The following ZPBP variants were observed in gnomAD, a reference collection of about 807,000 sequenced individuals.
ZPBP encodes zona pellucida binding protein.
ZPBP carries 26 observed loss-of-function variants against 44.8 expected under a neutral mutation model. The observed-to-expected ratio is 0.58, with a 90% CI of 0.43 to 0.81. The LOEUF (loss-of-function observed/expected upper bound fraction) is 0.81, where lower values mean the gene tolerates loss of function less well. Among genes scored for constraint, ZPBP ranks in the 30% least tolerant of loss-of-function variants. The probability of loss-of-function intolerance (pLI) is 0.00; values close to 1 mark genes in which losing one functional copy is unlikely to be tolerated. For synonymous variants in ZPBP, 174 were observed against 153.2 expected (o/e 1.14, Z -1.00); for missense variants, 409 against 434.0 (o/e 0.94, Z 0.51).
At chr7:49,841,804 CA>C in the ZPBP span, among the ~76,000 whole-genome samples, 1 of 152,008 alleles carries the variant, frequency 6.6e-6, no homozygotes, top group African/African-American at 2.4e-5. Flanking sequence ...AAATCATGAC[CA>C]AAGCAATTGT....
At chr7:49,859,783 CGT>C (rs1414030608) in intron 2 of ZPBP, among the ~76,000 whole-genome samples, 9 of 100,482 alleles carry the variant, frequency 9.0e-5, no homozygotes, top group African/African-American at 3.5e-4. Flanking sequence ...TTACAGTGCG[CGT>C]GCGTGCACAC....
At chr7:50,026,374 T>C (rs538879920) in intron 5 of ZPBP, among the ~76,000 whole-genome samples, 1 of 151,848 alleles carries the variant, frequency 6.6e-6, no homozygotes, top group South Asian at 2.1e-4. Context: ...CAATATTGAA[T>C]ATAAAAGGCA....
chr7:49,863,925 CTGTAAGTTTTCG>C (rs1397776088), intron 2 of ZPBP, among the ~76,000 whole-genome samples: 5 of 151,922 alleles, frequency 3.3e-5, no homozygotes, highest in Non-Finnish European at 5.9e-5. Context: ...ATAGTTTTTT[CTGTAAGTTTTCG>C]TATGTTGTTT....
At chr7:49,944,709 C>T (rs567041518) in intron 7 of ZPBP, among the ~76,000 whole-genome samples, 11 of 152,184 alleles carry the variant, frequency 7.2e-5, no homozygotes, top group East Asian at 1.9e-4. Context: ...TGGCAGCAGA[C>T]GCAATGTCTA....
At chr7:49,981,440 A>C (rs1796920456) in intron 7 of ZPBP, among the ~76,000 whole-genome samples, 1 of 53,432 alleles carries the variant, frequency 1.9e-5, no homozygotes, top group South Asian at 5.8e-4. Context: ...TATATATAAT[A>C]TATATTATGT....
intron 1 of ZPBP, among the ~76,000 whole-genome samples, chr7:50,092,045 A>G (rs2128859696): frequency 6.6e-6 from 1 of 152,338 alleles, no homozygotes; most frequent in East Asian, 1.9e-4. Context: ...AATGCTATAT[A>G]AGAGGCCTTC....
chr7:49,889,842 C>T (rs1209197650), intron 2 of ZPBP, among the ~76,000 whole-genome samples: 4 of 152,140 alleles, frequency 2.6e-5, no homozygotes, highest in Non-Finnish European at 4.4e-5. Flanking sequence ...CCCCAGTATG[C>T]CGTCATTCAC....
chr7:49,900,706 T>A (rs1271696691), intron 2 of ZPBP, among the ~76,000 whole-genome samples: 1 of 151,818 alleles, frequency 6.6e-6, no homozygotes. Context: ...CCAGATAGGA[T>A]CACTGGTGAA....
intron 7 of ZPBP, among the ~76,000 whole-genome samples, chr7:49,959,741 AT>A (rs1795771772): frequency 6.6e-6 from 1 of 152,212 alleles, no homozygotes; most frequent in African/African-American, 2.4e-5. Context: ...AGAAATTGAT[AT>A]GTTAATTCTA....
At chr7:49,862,920 C>T (rs956149090) in intron 2 of ZPBP, among the ~76,000 whole-genome samples, 21 of 152,066 alleles carry the variant, frequency 1.4e-4, no homozygotes, top group African/African-American at 4.6e-4. Flanking sequence ...AGATATTTAC[C>T]TATACTTTTC....
intron 6 of ZPBP, among the ~76,000 whole-genome samples, chr7:49,985,956 C>G (rs1396064979): frequency 6.6e-6 from 1 of 152,168 alleles, no homozygotes; most frequent in Admixed American, 6.5e-5. Context: ...GAGTTGGGAG[C>G]CTGCTGGCAG....
chr7:50,088,811 G>A (rs575585737), intron 2 of ZPBP, among the ~76,000 whole-genome samples: 1 of 152,106 alleles, frequency 6.6e-6, no homozygotes, highest in Non-Finnish European at 1.5e-5. Flanking sequence ...TGGTGTGAAA[G>A]TAAAATAGCT....
intron 2 of ZPBP, among the ~76,000 whole-genome samples, chr7:49,900,404 G>T (rs908130720): frequency 1.8e-4 from 27 of 151,546 alleles, no homozygotes; most frequent in African/African-American, 6.5e-4. Context: ...ATTAATAAAA[G>T]TTCTAAGTAT....
At chr7:49,983,230 T>A (rs1797107380) in intron 7 of ZPBP, 112 bp downstream of exon 7, 1 of 967,926 alleles carries the variant, frequency 1.0e-6, no homozygotes, top group Non-Finnish European at 1.6e-6. Context: ...AAATAAACTA[T>A]GAAAAAATAC....
intron 2 of ZPBP, among the ~76,000 whole-genome samples, chr7:49,885,500 G>A (rs985094666): frequency 1.3e-5 from 2 of 151,670 alleles, no homozygotes; most frequent in East Asian, 1.9e-4. Flanking sequence ...TTCTGAAAAG[G>A]TAAAACTCGT....
intron 6 of ZPBP, among the ~76,000 whole-genome samples, chr7:49,985,641 C>CA (rs199820024): frequency 1.7e-5 from 2 of 120,806 alleles, no homozygotes; most frequent in African/African-American, 6.1e-5. Flanking sequence ...ATACCCCATG[C>CA]AAAAAAAAAA....
At chr7:49,846,446 G>A (rs911705562), downstream of ZPBP, among the ~76,000 whole-genome samples, 1 of 152,116 alleles carries the variant, frequency 6.6e-6, no homozygotes, top group Non-Finnish European at 1.5e-5. Context: ...ACAACATAAA[G>A]TTCTCCCTCA....
intron 2 of ZPBP, among the ~76,000 whole-genome samples, chr7:49,874,050 G>A (rs1583725135): frequency 6.6e-6 from 1 of 151,864 alleles, no homozygotes; most frequent in African/African-American, 2.4e-5. Context: ...AGCATACATG[G>A]CATATTTTGC....
At chr7:49,894,020 G>A (rs1792257705) in intron 2 of ZPBP, among the ~76,000 whole-genome samples, 1 of 152,110 alleles carries the variant, frequency 6.6e-6, no homozygotes, top group African/African-American at 2.4e-5. Flanking sequence ...CTGGTGTGAC[G>A]AACCATTCCT....
Sources: allele counts gnomAD v4.1 joint callset (sites outside exome capture counted in the v4.1 genomes callset), GRCh38; gene constraint gnomAD v4.1.1; transcripts MANE v1.5; gene names NCBI Gene and HGNC (gene_info 2026-07-23, HGNC 2026-07-21).